The following HIVEP3 variants were observed in gnomAD, a reference collection of about 807,000 sequenced individuals.
The protein encoded by HIVEP3 is transcription factor HIVEP3.
HIVEP3 carries 49 observed loss-of-function variants against 152.8 expected under a neutral mutation model. The observed-to-expected ratio is 0.32, with a 90% CI of 0.26 to 0.41. The LOEUF (loss-of-function observed/expected upper bound fraction) is 0.41, where lower values mean the gene tolerates loss of function less well. HIVEP3 is among the 10% of genes least tolerant of loss of function. The pLI is 1.00. For missense variants in HIVEP3, 2,790 were observed against 3,103.3 expected, an observed-to-expected ratio of 0.90 and a Z score of 2.40; for synonymous variants, 1,269 against 1,289.0, an observed-to-expected ratio of 0.98 and a Z score of 0.33.
chr1:41,767,074 C>T (rs1400386860), intron 1 of HIVEP3, among the ~76,000 whole-genome samples: 4 of 151,834 alleles, frequency 2.6e-5, no homozygotes, highest in Admixed American at 6.6e-5. Context: ...CCATCTGGGT[C>T]CTGTGTGGTC....
intron 2 of HIVEP3, among the ~76,000 whole-genome samples, chr1:41,630,094 C>T (rs1385203343): frequency 6.6e-6 from 1 of 152,098 alleles, no homozygotes; most frequent in Non-Finnish European, 1.5e-5. Context: ...ATTATGTAGT[C>T]ATAAAAAAGA....
intron 1 of HIVEP3, among the ~76,000 whole-genome samples, chr1:41,705,175 C>T (rs1646414877): frequency 6.6e-6 from 1 of 152,220 alleles, no homozygotes; most frequent in Non-Finnish European, 1.5e-5. Flanking sequence ...TGTCCAGGCT[C>T]ACTCACGGAG....
At chr1:41,649,674 C>G (rs1442203920) in intron 2 of HIVEP3, among the ~76,000 whole-genome samples, 1 of 152,174 alleles carries the variant, frequency 6.6e-6, no homozygotes, top group African/African-American at 2.4e-5. Context: ...GGGGAGAGAC[C>G]TGGCTGGAGG....
chr1:42,001,880 C>G (rs1443643572), intron 1 of HIVEP3, among the ~76,000 whole-genome samples: 1 of 149,766 alleles, frequency 6.7e-6, no homozygotes, highest in Non-Finnish European at 1.5e-5. Context: ...CCAAACATTC[C>G]CCATGATCCA....
intron 4 of HIVEP3, among the ~76,000 whole-genome samples, chr1:41,576,353 C>A (rs538228544): frequency 6.6e-6 from 1 of 152,212 alleles, no homozygotes; most frequent in South Asian, 2.1e-4. Flanking sequence ...GCAGGACCCA[C>A]GCTCTTTACA....
At chr1:41,733,125 C>G (rs765944329) in intron 1 of HIVEP3, among the ~76,000 whole-genome samples, 8 of 151,266 alleles carry the variant, frequency 5.3e-5, no homozygotes, top group Non-Finnish European at 1.0e-4. Context: ...CCCTGATAAT[C>G]CAGGTCTTTT....
chr1:41,508,960 G>A lies in HIVEP3; in HGVS notation c.*1491C>T, dbSNP rs955970649. ...ACTGGGAAAAAGCTCACCTCTCCCA[G>A]TTGGGGCGAACACGCTAGAGTTCAA... On this transcript the variant is annotated 3_prime_UTR_variant, in exon 9 of 9. Transcript: ENST00000372583. 6.6e-6 allele frequency: 1 copy of A among 152,260 alleles called. No homozygotes were observed. The highest frequency in any genetic ancestry group is 1.5e-5 in the Non-Finnish European group (1 of 68,052). The allele number at this position is 152,260 out of a possible 1,614,324, so 9.4% of individuals were successfully genotyped here. A position where few individuals can be genotyped will look rare whatever the true frequency, so the allele number is the denominator to read the frequency against.
In HIVEP3 at chr1:41,510,539, G is replaced by A; in HGVS notation, c.7133C>T (p.Thr2378Ile). 6.3e-7 allele frequency: 1 copy of A among 1,583,246 alleles called. No homozygotes were observed. The highest frequency in any genetic ancestry group is 1.2e-5 in the South Asian group (1 of 86,512). ...RTRNLSGEPR[T>I]RQDSPKPSGS... ...TGAGGGCTTGGGGGAGTCCTGCCTG[G>A]TCCTGGGTTCCCCGGAGAGGTTCCT... The change falls in exon 9 of 9, where the codon ACC becomes ATC. Residue 2378 changes from threonine to isoleucine, a missense_variant. Transcript: ENST00000372583.
intron 1 of HIVEP3, among the ~76,000 whole-genome samples, chr1:41,799,956 G>A (rs572414497): frequency 2.0e-5 from 3 of 152,152 alleles, no homozygotes; most frequent in African/African-American, 7.2e-5. Flanking sequence ...CAATCAGAAA[G>A]GTGGTACCCA....
chr1:42,008,034 C>T (rs1362090986), intron 1 of HIVEP3, among the ~76,000 whole-genome samples: 1 of 152,198 alleles, frequency 6.6e-6, no homozygotes, highest in East Asian at 1.9e-4. Context: ...ATCTCCTAGA[C>T]TCCAAATGTG....
intron 1 of HIVEP3, among the ~76,000 whole-genome samples, chr1:41,732,376 T>C (rs1321967019): frequency 1.3e-5 from 2 of 152,096 alleles, no homozygotes; most frequent in Non-Finnish European, 2.9e-5. Context: ...GGATTTGAAC[T>C]GAGGAGACCA....
At chr1:41,969,896 A>G (rs938103535) in intron 1 of HIVEP3, among the ~76,000 whole-genome samples, 2 of 152,238 alleles carry the variant, frequency 1.3e-5, no homozygotes, top group Admixed American at 1.3e-4. Flanking sequence ...TGGGCAAAGG[A>G]CATGAACAGA....
rs184245892 is a variant in HIVEP3 at position 41,512,543 on chromosome 1, G to C, written c.6405+273C>G. ...AATTTGTTTATAGCAATACAAGAAC[G>C]GACTAATACGTGGTAGAACCCATTT... On this transcript the variant is annotated intron_variant, in intron 8 of 8. Coordinates refer to ENST00000372583, the MANE Select transcript of HIVEP3 (RefSeq NM_024503.5). Among the ~76,000 whole-genome samples, 158 of 152,276 alleles carry C rather than the reference G, an allele frequency of 1.0e-3. 2 individuals carry two copies. Among genetic ancestry groups the C allele is most frequent in the African/African-American group, 3.7e-3 (154 of 41,556 alleles).
At chr1:41,705,387 T>C (rs2124135788) in intron 1 of HIVEP3, among the ~76,000 whole-genome samples, 1 of 152,306 alleles carries the variant, frequency 6.6e-6, no homozygotes, top group African/African-American at 2.4e-5. Context: ...GCCTGTGCCA[T>C]CCACACTGGA....
chr1:41,968,508 TC>T (rs1645211770), intron 1 of HIVEP3, among the ~76,000 whole-genome samples: 1 of 152,108 alleles, frequency 6.6e-6, no homozygotes, highest in African/African-American at 2.4e-5. Flanking sequence ...AAATTCAACA[TC>T]CCTTCACGTT....
intron 2 of HIVEP3, among the ~76,000 whole-genome samples, chr1:41,642,821 T>C (rs978951949): frequency 6.6e-6 from 1 of 152,182 alleles, no homozygotes; most frequent in African/African-American, 2.4e-5. Context: ...CTCTCGGTTC[T>C]TCTTGAGGGA....
At chr1:41,948,845 C>T (rs955547245) in intron 1 of HIVEP3, among the ~76,000 whole-genome samples, 1 of 151,984 alleles carries the variant, frequency 6.6e-6, no homozygotes, top group African/African-American at 2.4e-5. Context: ...AACTATCAAG[C>T]AGATAGTCAG....
chr1:41,942,556 T>C (rs529905462), intron 1 of HIVEP3, among the ~76,000 whole-genome samples: 19 of 152,352 alleles, frequency 1.2e-4, no homozygotes, highest in Non-Finnish European at 2.5e-4. Flanking sequence ...TTTTTTGCAA[T>C]GTATGGCCAA....
chr1:41,821,666 C>G (rs1436881770), intron 1 of HIVEP3, among the ~76,000 whole-genome samples: 1 of 152,194 alleles, frequency 6.6e-6, no homozygotes, highest in Non-Finnish European at 1.5e-5. Flanking sequence ...TGGAAAGAAG[C>G]CCTACTTCCC....
Sources: gnomAD v4.1 joint callset for allele counts (sites outside exome capture counted in the v4.1 genomes callset) on GRCh38, gnomAD v4.1.1 for gene constraint, MANE v1.5 for transcripts, NCBI Gene and HGNC (gene_info 2026-07-23, HGNC 2026-07-21) for gene names.